The following GFRA2 variants were observed in gnomAD, a reference collection of about 807,000 sequenced individuals.
GFRA2 encodes the protein GDNF family receptor alpha-2.
A neutral mutation model predicts 48.3 loss-of-function variants in GFRA2; 17 were observed. That is an observed-to-expected ratio of 0.35 (90% CI 0.24 to 0.53). GFRA2 has a LOEUF of 0.53. Ranked by LOEUF, GFRA2 falls within the 20% of genes least tolerant of loss-of-function variation. The pLI is 0.93. For synonymous variants in GFRA2, 305 were observed against 257.2 expected (o/e 1.19, Z -1.78); for missense variants, 660 against 637.3 (o/e 1.04, Z -0.38).
intron 4 of GFRA2, among the ~76,000 whole-genome samples, chr8:21,716,154 C>G (rs1303453154): frequency 1.3e-5 from 2 of 152,038 alleles, no homozygotes; most frequent in Non-Finnish European, 2.9e-5. Context: ...AAAACTCTGT[C>G]TCTACTGAAA....
At chr8:21,808,191 T>G (rs760724931) in intron 1 of GFRA2, among the ~76,000 whole-genome samples, 2 of 152,226 alleles carry the variant, frequency 1.3e-5, no homozygotes, top group Non-Finnish European at 2.9e-5. Context: ...CTCATCTTTG[T>G]GGCCTGAGTT....
chr8:21,803,600 A>G (rs1319727524), intron 2 of GFRA2, among the ~76,000 whole-genome samples: 1 of 152,344 alleles, frequency 6.6e-6, no homozygotes, highest in East Asian at 1.9e-4. Flanking sequence ...TATGACTCAG[A>G]TGAGCACAGA....
chr8:21,746,264 C>A (rs748729215), intron 4 of GFRA2, among the ~76,000 whole-genome samples: 39 of 152,118 alleles, frequency 2.6e-4, no homozygotes, highest in Non-Finnish European at 4.3e-4. Context: ...CTCAATGCAC[C>A]CCGCCCCAAA....
chr8:21,701,865 C>T (rs1287896422), intron 7 of GFRA2, among the ~76,000 whole-genome samples: 2 of 152,128 alleles, frequency 1.3e-5, no homozygotes, highest in Non-Finnish European at 2.9e-5. Flanking sequence ...GTGAAGGGGG[C>T]TGGGTGGGGT....
intron 4 of GFRA2, among the ~76,000 whole-genome samples, chr8:21,711,688 C>CT (rs1198915473): frequency 0.025 from 3,375 of 132,476 alleles, 59 homozygotes; most frequent in East Asian, 0.062. Flanking sequence ...AACAGTTTTT[C>CT]TTTTTTTTTT....
chr8:21,724,297 C>T (rs1466599385), intron 4 of GFRA2, among the ~76,000 whole-genome samples: 1 of 152,090 alleles, frequency 6.6e-6, no homozygotes, highest in African/African-American at 2.4e-5. Flanking sequence ...TACCAGATGT[C>T]CTTACAGGCA....
chr8:21,696,536 C>G (rs1220078999), intron 7 of GFRA2, among the ~76,000 whole-genome samples: 1 of 152,166 alleles, frequency 6.6e-6, no homozygotes, highest in African/African-American at 2.4e-5. Context: ...AGCCCCGGAC[C>G]TAGACACTCT....
chr8:21,780,129 A>G (rs1806906961), intron 2 of GFRA2, among the ~76,000 whole-genome samples: 2 of 149,176 alleles, frequency 1.3e-5, no homozygotes, highest in Non-Finnish European at 3.0e-5. Context: ...ATCTGCATTC[A>G]TCACTCCCAA....
intron 4 of GFRA2, among the ~76,000 whole-genome samples, chr8:21,747,076 C>T (rs1303051816): frequency 1.3e-5 from 2 of 152,206 alleles, no homozygotes; most frequent in Non-Finnish European, 2.9e-5. Context: ...CTTTTGAGCG[C>T]ACCCAGCCCA....
chr8:21,728,001 G>T (rs182685599), intron 4 of GFRA2, among the ~76,000 whole-genome samples: 3 of 152,214 alleles, frequency 2.0e-5, no homozygotes, highest in African/African-American at 7.2e-5. Flanking sequence ...CACAGGCAGG[G>T]GCGACGTCAG....
At chr8:21,735,308 T>C (rs1195005373) in intron 4 of GFRA2, among the ~76,000 whole-genome samples, 1 of 152,192 alleles carries the variant, frequency 6.6e-6, no homozygotes, top group Non-Finnish European at 1.5e-5. Context: ...CCACAGCCAC[T>C]GCCTTTCTAT....
At chr8:21,717,417 G>C (rs751226451) in intron 4 of GFRA2, among the ~76,000 whole-genome samples, 1 of 152,072 alleles carries the variant, frequency 6.6e-6, no homozygotes, top group Non-Finnish European at 1.5e-5. Context: ...TATGCCCCCC[G>C]GTTACAAATG....
chr8:21,730,054 C>G lies in GFRA2; in HGVS notation c.794+20534G>C, dbSNP rs144742330. Among the ~76,000 whole-genome samples, 1,415 of 152,080 alleles carry G rather than the reference C, an allele frequency of 9.3e-3. 21 individuals are homozygous for G. Among genetic ancestry groups the G allele is most frequent in the African/African-American group, 0.033 (1,357 of 41,478 alleles). On this transcript the variant is annotated intron_variant, in intron 4 of 8. Coordinates refer to ENST00000524240, the MANE Select transcript of GFRA2 (RefSeq NM_001495.5). ...GGGCCTCTCTTGGTGGGAGGGGGGG[C>G]CTCATAAAGGTGTTTCCTGGGTTCT...
intron 4 of GFRA2, among the ~76,000 whole-genome samples, chr8:21,720,935 T>C (rs534826216): frequency 1.4e-5 from 2 of 148,038 alleles, no homozygotes; most frequent in African/African-American, 5.0e-5. Flanking sequence ...CCCAAAGAAA[T>C]GCCTGACACT....
intron 4 of GFRA2, among the ~76,000 whole-genome samples, chr8:21,714,246 C>CTTTTGTTTTTTTTTT (rs1803218368): frequency 1.3e-5 from 1 of 78,400 alleles, no homozygotes; most frequent in Non-Finnish European, 2.2e-5. Flanking sequence ...GTCTGAAGTT[C>CTTTTGTTTTTTTTTT]TTTTTTTTTT....
chr8:21,740,564 C>G (rs1378991969), intron 4 of GFRA2, among the ~76,000 whole-genome samples: 2 of 152,134 alleles, frequency 1.3e-5, no homozygotes, highest in African/African-American at 4.8e-5. Flanking sequence ...CCTAGAATAC[C>G]ATAATAACAG....
chr8:21,759,493 G>GGAAA (rs1491231957), intron 3 of GFRA2, among the ~76,000 whole-genome samples: 32 of 92,294 alleles, frequency 3.5e-4, no homozygotes, highest in African/African-American at 1.5e-3. Flanking sequence ...AAAGAAGGAA[G>GGAAA]GAAGGAAGGA....
chr8:21,698,028 A>C (rs1394744650), intron 7 of GFRA2, among the ~76,000 whole-genome samples: 1 of 152,134 alleles, frequency 6.6e-6, no homozygotes, highest in Non-Finnish European at 1.5e-5. Flanking sequence ...AACCACCTTC[A>C]CAGCAGACGA....
chr8:21,785,154 G>A (rs373215679), intron 1 of GFRA2, among the ~76,000 whole-genome samples: 1 of 152,214 alleles, frequency 6.6e-6, no homozygotes, highest in African/African-American at 2.4e-5. Flanking sequence ...GTGCTTAAAG[G>A]TCAGAAGATT....
Sources: allele counts gnomAD v4.1 joint callset (sites outside exome capture counted in the v4.1 genomes callset), GRCh38; gene constraint gnomAD v4.1.1; transcripts MANE v1.5; gene names NCBI Gene and HGNC (gene_info 2026-07-23, HGNC 2026-07-21).